The following FAM110B variants were observed in gnomAD, a reference collection of about 807,000 sequenced individuals.
FAM110B encodes family with sequence similarity 110 member B, also known as protein FAM110B.
A neutral mutation model predicts 20.4 loss-of-function variants in FAM110B; 6 were observed. The ratio of observed to expected loss-of-function variants is 0.29; its 90% CI spans 0.16 to 0.58. FAM110B has a LOEUF of 0.58. FAM110B is among the 20% of genes least tolerant of loss of function. The probability of loss-of-function intolerance (pLI) is 0.90; values close to 1 mark genes in which losing one functional copy is unlikely to be tolerated. For synonymous variants in FAM110B, 226 were observed against 214.1 expected (o/e 1.06, Z -0.49); for missense variants, 434 against 498.2 (o/e 0.87, Z 1.23).
At position 58,148,168 on chromosome 8, in the gene FAM110B, T is replaced by TG. The variant is rs1443353602; in HGVS notation, c.*825_*826insG. ...AAAAAAAAAAGTTGTGGTTTTTTGT[T>TG]TTTTTTTTTTTTTTTTTTGGTCGAG... On this transcript the variant is annotated 3_prime_UTR_variant, in exon 4 of 4. Transcript: ENST00000519262. 7.0e-6 allele frequency: 1 copy of TG among 142,860 alleles called. No individual in the cohort carries two copies. Among genetic ancestry groups the TG allele is most frequent in the African/African-American group, 2.8e-5 (1 of 35,386 alleles). 8.8% of individuals were successfully genotyped at this position (142,860 alleles called of 1,614,324 possible).
chr8:58,035,569 A>G (rs932653238), intron 2 of FAM110B, among the ~76,000 whole-genome samples: 1 of 152,250 alleles, frequency 6.6e-6, no homozygotes, highest in Non-Finnish European at 1.5e-5. Flanking sequence ...CCTCCTGGCC[A>G]TAGAGACCTG....
intron 2 of FAM110B, among the ~76,000 whole-genome samples, chr8:58,038,163 T>C (rs188849561): frequency 6.6e-6 from 1 of 152,306 alleles, no homozygotes; most frequent in East Asian, 1.9e-4. Context: ...GCTGATGACA[T>C]AGAAATGCAT....
chr8:58,008,815 A>G (rs965465761), intron 1 of FAM110B, among the ~76,000 whole-genome samples: 1 of 152,196 alleles, frequency 6.6e-6, no homozygotes, highest in Non-Finnish European at 1.5e-5. Context: ...AAGACAGGCC[A>G]GTATCCGCAG....
At chr8:58,026,418 G>C (rs182996983) in intron 1 of FAM110B, among the ~76,000 whole-genome samples, 39 of 151,846 alleles carry the variant, frequency 2.6e-4, no homozygotes, top group African/African-American at 8.0e-4. Context: ...TTGAATAAAT[G>C]TAGTTTGATT....
intron 3 of FAM110B, among the ~76,000 whole-genome samples, chr8:58,116,940 C>T (rs773485600): frequency 5.3e-5 from 8 of 152,176 alleles, no homozygotes; most frequent in Non-Finnish European, 7.4e-5. Context: ...GCGATGCACA[C>T]AGCATTTGGG....
chr8:58,028,349 G>A (rs955771017), intron 1 of FAM110B, among the ~76,000 whole-genome samples: 11 of 152,214 alleles, frequency 7.2e-5, no homozygotes, highest in African/African-American at 2.4e-4. Flanking sequence ...AGGTGATCCC[G>A]CCCACCTCGG....
chr8:58,090,445 G>A (rs1806447441), intron 3 of FAM110B, among the ~76,000 whole-genome samples: 1 of 152,214 alleles, frequency 6.6e-6, no homozygotes, highest in African/African-American at 2.4e-5. Flanking sequence ...ACAGGCATGA[G>A]CCACCGCACC....
chr8:58,009,148 G>A (rs1804475727), intron 1 of FAM110B, among the ~76,000 whole-genome samples: 1 of 152,258 alleles, frequency 6.6e-6, no homozygotes, highest in Non-Finnish European at 1.5e-5. Flanking sequence ...TCACATTCCA[G>A]CCAGCGGAGT....
At position 58,146,832 on chromosome 8, in the gene FAM110B, C is replaced by G. The variant is rs1467884010; in HGVS notation, c.602C>G (p.Ser201Trp). 4 of 1,611,604 alleles carry G rather than the reference C, an allele frequency of 2.5e-6. No individual in the cohort carries two copies. The African/African-American group carries it at 4.0e-5, about 16-fold the overall frequency. ...ESFLHVSHSSSDIRKVTSVKP... is the reference protein window; with the variant it reads ...ESFLHVSHSSWDIRKVTSVKP... ...TTCCTCCACGTGTCCCACAGCTCTT[C>G]GGACATCCGCAAGGTGACCAGCGTG... Residue 201 changes from serine to tryptophan, a missense_variant, in exon 4 of 4, where the codon TCG (serine) becomes TGG (tryptophan). By Grantham distance (177) the Ser-to-Trp change is radical. Around this residue, in one of 3 missense-constraint regions of FAM110B, gnomAD observed 284 missense variants for 278.3 expected, o/e 1.02. Transcript: ENST00000519262.
chr8:58,116,997 G>T (rs768407215), intron 3 of FAM110B, among the ~76,000 whole-genome samples: 1 of 152,146 alleles, frequency 6.6e-6, no homozygotes, highest in Non-Finnish European at 1.5e-5. Context: ...GAGACCTAAA[G>T]AAAGCAAGTG....
chr8:58,011,540 A>C (rs894416120), intron 1 of FAM110B, among the ~76,000 whole-genome samples: 2 of 152,176 alleles, frequency 1.3e-5, no homozygotes, highest in African/African-American at 4.8e-5. Context: ...TGTTACGTAT[A>C]TGTTTACCCA....
intron 2 of FAM110B, among the ~76,000 whole-genome samples, chr8:58,045,948 T>C (rs992916748): frequency 4.6e-5 from 7 of 152,176 alleles, no homozygotes; most frequent in Non-Finnish European, 1.0e-4. Context: ...TGGTGCCTTC[T>C]ATGTGGGTTC....
chr8:57,999,584 A>G (rs894112870), intron 1 of FAM110B, among the ~76,000 whole-genome samples: 4 of 152,182 alleles, frequency 2.6e-5, no homozygotes, highest in African/African-American at 9.7e-5. Context: ...GCAAAAGAAC[A>G]TAGTTTACTA....
intron 3 of FAM110B, among the ~76,000 whole-genome samples, chr8:58,078,132 A>G (rs1382767798): frequency 2.0e-5 from 3 of 152,248 alleles, no homozygotes; most frequent in African/African-American, 7.2e-5. Context: ...ATGAATTCAT[A>G]TGCATTATTA....
intron 2 of FAM110B, among the ~76,000 whole-genome samples, chr8:58,046,274 C>CTA (rs1169530417): frequency 1.3e-5 from 2 of 152,090 alleles, no homozygotes; most frequent in African/African-American, 4.8e-5. Flanking sequence ...CCAACCATTA[C>CTA]TATATATATT....
chr8:58,069,450 C>A (rs1487405584), intron 2 of FAM110B, among the ~76,000 whole-genome samples: 1 of 152,210 alleles, frequency 6.6e-6, no homozygotes, highest in East Asian at 1.9e-4. Flanking sequence ...GGCAGTCTGG[C>A]TGTGAGAACG....
At chr8:58,034,370 G>C (rs1028971328) in intron 2 of FAM110B, among the ~76,000 whole-genome samples, 4 of 152,166 alleles carry the variant, frequency 2.6e-5, no homozygotes, top group African/African-American at 7.2e-5. Flanking sequence ...CTGACTTATG[G>C]GTCGGAAGGT....
At chr8:58,097,546 C>A (rs1263800393) in intron 3 of FAM110B, among the ~76,000 whole-genome samples, 2 of 152,192 alleles carry the variant, frequency 1.3e-5, no homozygotes, top group Non-Finnish European at 2.9e-5. Context: ...CTACTTCTGT[C>A]AGTTCATCAA....
intron 1 of FAM110B, among the ~76,000 whole-genome samples, chr8:58,006,538 G>A (rs949709147): frequency 3.3e-5 from 5 of 151,754 alleles, no homozygotes; most frequent in African/African-American, 1.2e-4. Flanking sequence ...GGGTCCAAGT[G>A]TAATAAAGCT....
Sources: gnomAD v4.1 joint callset for allele counts (sites outside exome capture counted in the v4.1 genomes callset) on GRCh38, gnomAD v4.1.1 for gene constraint, gnomAD v4.1.1 regional missense constraint, MANE v1.5 for transcripts, NCBI Gene and HGNC (gene_info 2026-07-23, HGNC 2026-07-21) for gene names.